ASAP2: variants seen among roughly 807,000 people sequenced by gnomAD.
ASAP2 encodes arf-GAP with SH3 domain, ANK repeat and PH domain-containing protein 2.
A neutral mutation model predicts 131.4 loss-of-function variants in ASAP2; 45 were observed. That is an observed-to-expected ratio of 0.34 (90% CI 0.27 to 0.44). The LOEUF (loss-of-function observed/expected upper bound fraction) is 0.44, where lower values mean the gene tolerates loss of function less well. Among genes scored for constraint, ASAP2 ranks in the 20% least tolerant of loss-of-function variants. The pLI is 1.00. For missense variants in ASAP2, 1,011 were observed against 1,297.0 expected (o/e 0.78, Z 3.39); for synonymous variants, 510 against 503.0 (o/e 1.01, Z -0.19).
rs556037486 is a variant in ASAP2 at position 9,268,546 on chromosome 2, C to T, written c.127-10771C>T. ...GCCCACAGGTCACAGTGCAAGTCTA[C>T]GCTTCCCAAAAGGCTTCTGGAAATA... On this transcript the variant is annotated intron_variant, in intron 1 of 27. Coordinates refer to ENST00000281419, the MANE Select transcript of ASAP2 (RefSeq NM_003887.3). This position sits in a 1 kb window ranked among gnomAD's most constrained non-coding sequence, Gnocchi z 4.1. Among the ~76,000 whole-genome samples, 11 of 152,296 alleles carry T rather than the reference C, an allele frequency of 7.2e-5. No individual in the cohort carries two copies. In the East Asian group the frequency reaches 7.7e-4, roughly 11 times the overall value.
chr2:9,323,150 A>T lies in ASAP2; in HGVS notation c.500A>T (p.His167Leu). Residue 167 changes from histidine (H) to leucine (L), a missense_variant, in exon 6 of 28, where the codon CAC (histidine) becomes CTC (leucine). Around this residue, in one of 2 missense-constraint regions of ASAP2, gnomAD observed 359 missense variants for 598.1 expected, o/e 0.60. Transcript: ENST00000281419. The stretch of plus-strand genomic sequence containing the variant: ...AAGATAGAAAAGGAGAAAAAGGAAC[A>T]CGCCAAGCTCCATGGGATGATTCGG... ...ITKIEKEKKE[H>L]AKLHGMIRTE... The T allele has an allele frequency of 1.2e-6, 2 of 1,614,232 alleles. No individual in the cohort carries two copies. Among genetic ancestry groups the T allele is most frequent in the Non-Finnish European group, 8.5e-7 (1 of 1,180,036 alleles).
At chr2:9,364,519 T>C (rs1446316568) in intron 15 of ASAP2, among the ~76,000 whole-genome samples, 1 of 152,086 alleles carries the variant, frequency 6.6e-6, no homozygotes, top group Non-Finnish European at 1.5e-5. Context: ...CAAAAAAACA[T>C]CAAATTAAAA....
intron 1 of ASAP2, among the ~76,000 whole-genome samples, chr2:9,259,970 C>T (rs1479930706): frequency 1.3e-4 from 20 of 152,170 alleles, no homozygotes; most frequent in Admixed American, 1.3e-3. Flanking sequence ...CTGCGCATCG[C>T]CCCCTCCCCT....
chr2:9,214,397 G>C (rs1372554550), intron 1 of ASAP2, among the ~76,000 whole-genome samples: 1 of 152,036 alleles, frequency 6.6e-6, no homozygotes, highest in African/African-American at 2.4e-5. Flanking sequence ...CTGCCACCAT[G>C]CCCGGCTGAT....
rs916754465 is a variant in ASAP2 at position 9,389,401 on chromosome 2, G to A, written c.2383+855G>A. Among the ~76,000 whole-genome samples, 12 of 152,220 alleles carry A rather than the reference G, an allele frequency of 7.9e-5. No homozygotes were observed. Among genetic ancestry groups the A allele is most frequent in the African/African-American group, 2.9e-4 (12 of 41,452 alleles). ...ATTGTGGCCGCTGTGAGCCGCTGAT[G>A]GAGTGGAGCCCACGTCCCCAAATAC... On this transcript the variant is annotated intron_variant, in intron 22 of 27. Coordinates refer to ENST00000281419, the MANE Select transcript of ASAP2 (RefSeq NM_003887.3). This position sits in a 1 kb window ranked among gnomAD's most constrained non-coding sequence, Gnocchi z 4.7.
chr2:9,351,680 T>G (rs987562601), intron 12 of ASAP2, among the ~76,000 whole-genome samples: 1 of 152,138 alleles, frequency 6.6e-6, no homozygotes, highest in African/African-American at 2.4e-5. Context: ...TACCCCTGAG[T>G]GGGAGATGGC....
chr2:9,319,909 G>C (rs1028481875), intron 4 of ASAP2, among the ~76,000 whole-genome samples: 1 of 152,156 alleles, frequency 6.6e-6, no homozygotes, highest in Non-Finnish European at 1.5e-5. Flanking sequence ...ATCAATTAGA[G>C]TTCCTTTCTT....
chr2:9,373,671 G>A (rs1268813615), intron 16 of ASAP2, among the ~76,000 whole-genome samples: 1 of 152,230 alleles, frequency 6.6e-6, no homozygotes, highest in African/African-American at 2.4e-5. Context: ...GAGAGCGGAG[G>A]TCAGGAGGGA....
At chr2:9,401,172 G>A (rs1676631744) in intron 26 of ASAP2, 102 bp from the exon 27 acceptor site, 1 of 1,464,814 alleles carries the variant, frequency 6.8e-7, no homozygotes, top group Non-Finnish European at 9.4e-7. Flanking sequence ...TCAGGCCTAG[G>A]TACGGGACTC....
intron 20 of ASAP2, among the ~76,000 whole-genome samples, 199 bp downstream of exon 20, chr2:9,381,007 T>C (rs1331284240): frequency 6.6e-6 from 1 of 152,206 alleles, no homozygotes; most frequent in Non-Finnish European, 1.5e-5. Flanking sequence ...GACCCACCCC[T>C]CGCAGTGAGA....
intron 3 of ASAP2, among the ~76,000 whole-genome samples, chr2:9,315,394 G>A (rs1313692419): frequency 6.6e-6 from 1 of 152,210 alleles, no homozygotes; most frequent in Non-Finnish European, 1.5e-5. Context: ...AATGTTGGAA[G>A]ACGGGTCTGC....
At position 9,389,520 on chromosome 2, in the gene ASAP2, G is replaced by C. The variant is rs1675555214; in HGVS notation, c.2383+974G>C. On this transcript the variant is annotated intron_variant, in intron 22 of 27. Transcript: ENST00000281419. This position sits in a 1 kb window ranked among gnomAD's most constrained non-coding sequence, Gnocchi z 4.7. ...GCCGGGAGACCTGGCCCAGGGCTGA[G>C]CAGACGGCTGCAGCTTTGTGCTGCA... 6.6e-6 allele frequency among the ~76,000 whole-genome samples: 1 copy of C among 152,362 alleles called. No homozygotes were observed. The highest frequency in any genetic ancestry group is 2.1e-4 in the South Asian group (1 of 4,830).
chr2:9,214,152 T>A (rs1661809630), intron 1 of ASAP2, among the ~76,000 whole-genome samples: 1 of 152,248 alleles, frequency 6.6e-6, no homozygotes, highest in South Asian at 2.1e-4. Context: ...GATATGAACC[T>A]ACCTCCTTTG....
chr2:9,362,827 G>C (rs1301917188), intron 15 of ASAP2, among the ~76,000 whole-genome samples: 3 of 152,168 alleles, frequency 2.0e-5, no homozygotes, highest in Non-Finnish European at 4.4e-5. Context: ...CTGGGCAACA[G>C]AGTGAGACTG....
rs917888037 is a variant in ASAP2, at chr2:9,404,846, T to G, written c.*1519T>G. ...GCAATCGCTTTTTACCTTTCAAAGTTCCGGGTAAAAATGTGTTATATCTGT... is the reference window on the plus strand; with the variant it reads ...GCAATCGCTTTTTACCTTTCAAAGTGCCGGGTAAAAATGTGTTATATCTGT... On this transcript the variant is annotated 3_prime_UTR_variant, in exon 28 of 28. Coordinates refer to ENST00000281419, the MANE Select transcript of ASAP2 (RefSeq NM_003887.3). 7 of 152,584 alleles carry G rather than the reference T, an allele frequency of 4.6e-5. No homozygotes were observed. The highest frequency in any genetic ancestry group is 7.3e-5 in the Non-Finnish European group (5 of 68,034). 9.5% of individuals were successfully genotyped at this position (152,584 alleles called of 1,614,324 possible).
At chr2:9,297,151 C>T (rs1466817137) in intron 2 of ASAP2, 149 bp from the exon 3 acceptor site, 3 of 969,638 alleles carry the variant, frequency 3.1e-6, no homozygotes, top group South Asian at 1.9e-5. Flanking sequence ...GTTGGGATAA[C>T]GAAGCTATTT....
At chr2:9,211,380 CT>C (rs893578976) in intron 1 of ASAP2, among the ~76,000 whole-genome samples, 3 of 151,450 alleles carry the variant, frequency 2.0e-5, no homozygotes, top group African/African-American at 7.3e-5. Flanking sequence ...TTTTTTGTTC[CT>C]TTTTTTTCTT....
chr2:9,254,254 TAC>T (rs1186415582), intron 1 of ASAP2, among the ~76,000 whole-genome samples: 1 of 65,766 alleles, frequency 1.5e-5, no homozygotes, highest in Admixed American at 1.7e-4. Flanking sequence ...TATATATATA[TAC>T]ACGTGTGTGT....
intron 3 of ASAP2, among the ~76,000 whole-genome samples, chr2:9,317,565 C>T (rs1452208354): frequency 3.6e-5 from 2 of 56,130 alleles, no homozygotes; most frequent in African/African-American, 1.4e-4. Flanking sequence ...CAATCACACT[C>T]TCACACACCC....
Sources: allele counts gnomAD v4.1 joint callset (sites outside exome capture counted in the v4.1 genomes callset), GRCh38; gene constraint gnomAD v4.1.1; regional missense constraint gnomAD v4.1.1; non-coding constraint Gnocchi (gnomAD v3.1); transcripts MANE v1.5; gene names NCBI Gene and HGNC (gene_info 2026-07-23, HGNC 2026-07-21).